Variants in SCAPER observed in about 807,000 individuals in gnomAD.
SCAPER encodes the protein S phase cyclin A-associated protein in the endoplasmic reticulum.
SCAPER carries 98 observed loss-of-function variants against 182.2 expected under a neutral mutation model. The ratio of observed to expected loss-of-function variants is 0.54; its 90% confidence interval spans 0.46 to 0.64. The LOEUF (loss-of-function observed/expected upper bound fraction) is 0.64, where lower values mean the gene tolerates loss of function less well. SCAPER is among the 30% of genes least tolerant of loss of function. The pLI, the probability that SCAPER is intolerant of heterozygous loss-of-function variation, is 0.00. For synonymous variants in SCAPER, 605 were observed against 564.6 expected (o/e 1.07, Z -1.01); for missense variants, 1,432 against 1,690.0 (o/e 0.85, Z 2.68).
At chr15:76,708,979 T>C (rs989058470) in intron 17 of SCAPER, among the ~76,000 whole-genome samples, 1 of 151,734 alleles carries the variant, frequency 6.6e-6, no homozygotes, top group African/African-American at 2.4e-5. Flanking sequence ...GGCATGAGAA[T>C]CTCTTGAACC....
At chr15:76,367,835 C>G (rs368611670) in intron 29 of SCAPER, among the ~76,000 whole-genome samples, 1 of 152,106 alleles carries the variant, frequency 6.6e-6, no homozygotes, top group African/African-American at 2.4e-5. Flanking sequence ...CTTATGTCAG[C>G]CAGTTCACTC....
chr15:76,600,420 TGTGTGTGTGTATAC>T (rs2049833513), intron 22 of SCAPER, among the ~76,000 whole-genome samples: 1 of 99,846 alleles, frequency 1.0e-5, no homozygotes. Flanking sequence ...TGTGTGTGTG[TGTGTGTGTGTATAC>T]ATATACATAT....
At chr15:76,713,831 C>G (rs1008991417) in intron 17 of SCAPER, among the ~76,000 whole-genome samples, 1 of 151,834 alleles carries the variant, frequency 6.6e-6, no homozygotes, top group Non-Finnish European at 1.5e-5. Context: ...TTTAAGTTTC[C>G]TAAAAAGTTT....
At chr15:76,892,315 A>G (rs1022972626) in intron 1 of SCAPER, among the ~76,000 whole-genome samples, 3 of 152,200 alleles carry the variant, frequency 2.0e-5, no homozygotes, top group African/African-American at 7.2e-5. Flanking sequence ...AAGCCAAAAC[A>G]GACAAATGGG....
At chr15:76,889,136 T>C (rs1056601007) in intron 1 of SCAPER, among the ~76,000 whole-genome samples, 4 of 152,214 alleles carry the variant, frequency 2.6e-5, no homozygotes, top group Non-Finnish European at 4.4e-5. Flanking sequence ...CTGAGTGATT[T>C]TGTTACCACC....
At chr15:76,512,898 A>C (rs1009351053) in intron 23 of SCAPER, among the ~76,000 whole-genome samples, 2 of 151,704 alleles carry the variant, frequency 1.3e-5, no homozygotes, top group African/African-American at 4.8e-5. Flanking sequence ...AGCAAAATCA[A>C]CTGTGAAATT....
chr15:76,603,339 T>C lies in SCAPER; in HGVS notation c.2711+18425A>G, dbSNP rs1426117728. Among the ~76,000 whole-genome samples the C allele has an allele frequency of 1.3e-4, 16 of 121,206 alleles. 2 individuals carry two copies. In the East Asian group the frequency reaches 2.7e-3, roughly 20 times the overall value. The allele number at this position is 121,206 out of a possible 152,430, so 79.5% of individuals were successfully genotyped here. On this transcript the variant is annotated intron_variant, in intron 22 of 31. Transcript: ENST00000563290. Reference sequence around the variant, plus strand: ...GAATGATGATTTCCAATTTCATCCATGTCCCTACAAAGGACATGAACTCAT... The same window carrying C: ...GAATGATGATTTCCAATTTCATCCACGTCCCTACAAAGGACATGAACTCAT...
At chr15:76,725,449 C>G (rs895445016) in intron 17 of SCAPER, among the ~76,000 whole-genome samples, 1 of 150,026 alleles carries the variant, frequency 6.7e-6, no homozygotes, top group African/African-American at 2.4e-5. Context: ...CCAAAACAAT[C>G]TATAGATTGA....
At chr15:76,461,986 A>G (rs1053749201) in intron 25 of SCAPER, among the ~76,000 whole-genome samples, 3 of 152,206 alleles carry the variant, frequency 2.0e-5, no homozygotes, top group African/African-American at 7.2e-5. Context: ...ATACATGTAC[A>G]GTATATTCAG....
intron 22 of SCAPER, among the ~76,000 whole-genome samples, chr15:76,579,331 G>T (rs549890087): frequency 7.0e-6 from 1 of 142,806 alleles, no homozygotes; most frequent in Non-Finnish European, 1.5e-5. Context: ...AGTACAAGAA[G>T]ATATGAATAG....
At chr15:76,839,548 A>G (rs1168936698) in intron 5 of SCAPER, among the ~76,000 whole-genome samples, 1 of 152,246 alleles carries the variant, frequency 6.6e-6, no homozygotes, top group African/African-American at 2.4e-5. Flanking sequence ...GATGAGGAGA[A>G]GAGTAGAATA....
intron 23 of SCAPER, among the ~76,000 whole-genome samples, chr15:76,566,175 G>A (rs1041771945): frequency 2.6e-5 from 4 of 152,140 alleles, no homozygotes; most frequent in Non-Finnish European, 5.9e-5. Context: ...AGTCACAACA[G>A]TTGGCAAAAA....
chr15:76,499,947 A>G (rs527254697), intron 24 of SCAPER, among the ~76,000 whole-genome samples: 1 of 152,364 alleles, frequency 6.6e-6, no homozygotes, highest in African/African-American at 2.4e-5. Context: ...ATTAGGCAGT[A>G]TAATATGGAG....
At chr15:76,641,491 C>T (rs2054100076) in intron 21 of SCAPER, among the ~76,000 whole-genome samples, 1 of 152,078 alleles carries the variant, frequency 6.6e-6, no homozygotes, top group Non-Finnish European at 1.5e-5. Context: ...CCAGCTTTCA[C>T]TATCTTGTAT....
intron 9 of SCAPER, 54 bp downstream of exon 9, chr15:76,774,801 A>G (rs1016228673): frequency 1.3e-6 from 2 of 1,526,990 alleles, no homozygotes; most frequent in African/African-American, 2.8e-5. Context: ...TCCAGTACAC[A>G]TGTACACATA....
At chr15:76,511,879 A>G (rs369937959) in intron 23 of SCAPER, among the ~76,000 whole-genome samples, 311 of 51,102 alleles carry the variant, frequency 6.1e-3, no homozygotes, top group African/African-American at 0.017. Flanking sequence ...GTGTATATAT[A>G]TATATATTTT....
At chr15:76,431,706 G>GAAAAAAAAAAAAA in intron 26 of SCAPER, among the ~76,000 whole-genome samples, 9 of 46,016 alleles carry the variant, frequency 2.0e-4, no homozygotes, top group South Asian at 1.8e-3. Flanking sequence ...AAAAAAAAAT[G>GAAAAAAAAAAAAA]CTTTGTTTGC....
intron 21 of SCAPER, among the ~76,000 whole-genome samples, chr15:76,639,029 G>A (rs1255359693): frequency 6.6e-6 from 1 of 152,158 alleles, no homozygotes; most frequent in Non-Finnish European, 1.5e-5. Flanking sequence ...AATAGAAAAT[G>A]CCTGTCTTGT....
intron 15 of SCAPER, among the ~76,000 whole-genome samples, chr15:76,745,556 T>C (rs1416025140): frequency 6.6e-6 from 1 of 152,150 alleles, no homozygotes; most frequent in Non-Finnish European, 1.5e-5. Context: ...ATGTACCCCA[T>C]GTATCCAAAA....
Sources: gnomAD v4.1 joint callset for allele counts (sites outside exome capture counted in the v4.1 genomes callset) on GRCh38, gnomAD v4.1.1 for gene constraint, MANE v1.5 for transcripts, NCBI Gene and HGNC (gene_info 2026-07-23, HGNC 2026-07-21) for gene names.